ZNF732: variants seen among roughly 807,000 people sequenced by gnomAD.
ZNF732 encodes the protein zinc finger protein LOC654254.
Under a neutral mutation model 11.5 loss-of-function variants are expected in ZNF732, and 12 were observed. The ratio of observed to expected loss-of-function variants is 1.05; its 90% confidence interval spans 0.67 to 1.70. The LOEUF (loss-of-function observed/expected upper bound fraction) is 1.70. Ranked by LOEUF, ZNF732 falls within the 40% of genes most tolerant of loss-of-function variation. ZNF732 has a pLI of 0.00. For missense variants in ZNF732, 702 were observed against 676.9 expected, an observed-to-expected ratio of 1.04 and a Z score of -0.41; for synonymous variants, 231 against 236.5, an observed-to-expected ratio of 0.98 and a Z score of 0.21.
At chr4:286,770 T>C (rs1202658495) in intron 3 of ZNF732, among the ~76,000 whole-genome samples, 1 of 152,180 alleles carries the variant, frequency 6.6e-6, no homozygotes, top group Non-Finnish European at 1.5e-5. Flanking sequence ...TAAAGGTTTG[T>C]TGTACAGATT....
chr4:292,829 G>A (rs1484301120), intron 3 of ZNF732, among the ~76,000 whole-genome samples: 12 of 140,918 alleles, frequency 8.5e-5, no homozygotes, highest in Non-Finnish European at 1.4e-4. Context: ...GGCGGATCAC[G>A]AGCTCAGGAG....
Position 284,870 on chromosome 4 carries a change from CA to C in ZNF732, c.226+10567del, listed in dbSNP as rs1163209652. ...CGGGCCACAGAGTGAGACTCTGTCT[CA>C]AAAAAAAAAAAAAAAAAAAAAAGAA... On this transcript the variant is annotated intron_variant, in intron 3 of 3. Transcript: ENST00000419098. Among the ~76,000 whole-genome samples, 371 of 54,766 alleles carry C rather than the reference CA, an allele frequency of 6.8e-3. 1 individual carries two copies. The highest frequency in any genetic ancestry group is 0.018 in the South Asian group (36 of 1,954). The allele number at this position is 54,766 out of a possible 152,430, so 35.9% of individuals were successfully genotyped here.
intron 3 of ZNF732, among the ~76,000 whole-genome samples, chr4:281,144 C>T (rs1246141721): frequency 6.6e-6 from 1 of 152,214 alleles, no homozygotes; most frequent in Non-Finnish European, 1.5e-5. Flanking sequence ...TGCTGGCTGA[C>T]TTTATTCCCA....
chr4:295,943 G>T (rs1382511493), intron 2 of ZNF732, 86 bp downstream of exon 2: 2 of 1,454,752 alleles, frequency 1.4e-6, no homozygotes, highest in East Asian at 4.8e-5. Flanking sequence ...ACACAAAGCA[G>T]AAGGTTCCCA....
At chr4:284,870 C>CT (rs1719697851) in intron 3 of ZNF732, among the ~76,000 whole-genome samples, 1 of 54,820 alleles carries the variant, frequency 1.8e-5, no homozygotes, top group Non-Finnish European at 4.2e-5. Context: ...GACTCTGTCT[C>CT]AAAAAAAAAA....
At chr4:286,275 AAC>A (rs1235489286) in intron 3 of ZNF732, among the ~76,000 whole-genome samples, 2 of 152,250 alleles carry the variant, frequency 1.3e-5, no homozygotes, top group African/African-American at 4.8e-5. Context: ...TAGTTATTGA[AAC>A]AGTTTATAAC....
Position 305,355 on chromosome 4 carries a change from C to A in ZNF732, c.-45G>T. The A allele has an allele frequency of 1.2e-6, 2 of 1,606,522 alleles. No homozygotes were observed. The highest frequency in any genetic ancestry group is 4.5e-5 in the East Asian group (2 of 44,768). ...AGCGGAGTCTCAGCTACGAATCATC[C>A]AATACCCGCAGGTCACAGAGCGACG... On this transcript the variant is annotated 5_prime_UTR_variant, in exon 1 of 4. Transcript: ENST00000419098.
rs1719366077 is a variant in ZNF732, at chr4:271,633, A to C, written c.1224T>G (p.His408Gln). The stretch of plus-strand genomic sequence containing the variant: ...GCCTCTCTCCAGTATGAATTCTCTT[A>C]TGTTCATTAAGGGTTGTGAACCGAC... Reference protein sequence around the residue: ...AFSRFTTLNEHKRIHTGERPH... With the variant: ...AFSRFTTLNEQKRIHTGERPH... Residue 408 changes from histidine to glutamine, a missense_variant, in exon 4 of 4, where the codon CAT (histidine) becomes CAG (glutamine). His to Gln is a conservative substitution (Grantham distance 24, BLOSUM62 0). Coordinates refer to ENST00000419098, the MANE Select transcript of ZNF732 (RefSeq NM_001137608.3). 1 of 1,611,036 alleles carries C rather than the reference A, an allele frequency of 6.2e-7. No individual in the cohort carries two copies. The highest frequency in any genetic ancestry group is 8.5e-7 in the Non-Finnish European group (1 of 1,178,444).
At chr4:282,279 G>A (rs1329966593) in intron 3 of ZNF732, among the ~76,000 whole-genome samples, 1 of 152,176 alleles carries the variant, frequency 6.6e-6, no homozygotes, top group East Asian at 1.9e-4. Context: ...TTTATACATA[G>A]AAGTTCACTT....
intron 3 of ZNF732, among the ~76,000 whole-genome samples, chr4:284,218 A>C (rs1719678268): frequency 6.6e-6 from 1 of 152,106 alleles, no homozygotes; most frequent in Non-Finnish European, 1.5e-5. Context: ...GCCTGAAATC[A>C]TATCAAGTTT....
intron 3 of ZNF732, among the ~76,000 whole-genome samples, chr4:289,112 G>C (rs1240469420): frequency 6.6e-6 from 1 of 152,196 alleles, no homozygotes; most frequent in South Asian, 2.1e-4. Flanking sequence ...ATCTCACATG[G>C]TAGAAGCAGG....
chr4:285,117 G>T (rs1181151231), intron 3 of ZNF732, among the ~76,000 whole-genome samples: 5 of 152,090 alleles, frequency 3.3e-5, no homozygotes, highest in African/African-American at 1.2e-4. Flanking sequence ...TTCCAGCAGG[G>T]CCTGGATTCA....
chr4:287,259 G>A (rs2108656593), intron 3 of ZNF732, among the ~76,000 whole-genome samples: 1 of 151,304 alleles, frequency 6.6e-6, no homozygotes, highest in Non-Finnish European at 1.5e-5. Flanking sequence ...GTGTTGCCCA[G>A]ACTGTAGTGC....
intron 3 of ZNF732, among the ~76,000 whole-genome samples, chr4:293,067 C>CAAA (rs1227557602): frequency 2.6e-4 from 9 of 35,142 alleles, no homozygotes; most frequent in Admixed American, 4.3e-4. Flanking sequence ...GACTCCATCT[C>CAAA]AAAAAAAAAA....
At chr4:298,422 A>AG (rs1720008205) in intron 1 of ZNF732, among the ~76,000 whole-genome samples, 1 of 152,116 alleles carries the variant, frequency 6.6e-6, no homozygotes, top group Middle Eastern at 3.2e-3. Context: ...TTCACCAAAA[A>AG]AAAAAACTAG....
rs1226181245 is a variant in ZNF732 at position 287,386 on chromosome 4, T to G, written c.226+8052A>C. On this transcript the variant is annotated intron_variant, in intron 3 of 3. Coordinates refer to ENST00000419098, the MANE Select transcript of ZNF732 (RefSeq NM_001137608.3). Reference sequence around the variant, plus strand: ...TGTGCCATCACGTCCAGCTAATTTTTGTATTTTTAGTAGAGACGGGGTTTC... The same window carrying G: ...TGTGCCATCACGTCCAGCTAATTTTGGTATTTTTAGTAGAGACGGGGTTTC... Among the ~76,000 whole-genome samples, 4 of 150,934 alleles carry G rather than the reference T, an allele frequency of 2.7e-5. No homozygotes were observed. The East Asian group carries it at 8.1e-4, about 31-fold the overall frequency.
At chr4:278,250 T>G (rs1466746790) in intron 3 of ZNF732, among the ~76,000 whole-genome samples, 1 of 152,116 alleles carries the variant, frequency 6.6e-6, no homozygotes, top group African/African-American at 2.4e-5. Context: ...AAAAAAAATA[T>G]GGACACACAC....
At chr4:291,706 A>T (rs782544346) in intron 3 of ZNF732, among the ~76,000 whole-genome samples, 13 of 152,234 alleles carry the variant, frequency 8.5e-5, no homozygotes, top group Non-Finnish European at 1.3e-4. Flanking sequence ...TTTTCACAGT[A>T]ATAGTAAACA....
intron 1 of ZNF732, among the ~76,000 whole-genome samples, chr4:300,770 G>A (rs1407109247): frequency 6.6e-6 from 1 of 152,172 alleles, no homozygotes; most frequent in Non-Finnish European, 1.5e-5. Flanking sequence ...GTTTACCCTA[G>A]AAGAAAACCT....
Sources: allele counts gnomAD v4.1 joint callset (sites outside exome capture counted in the v4.1 genomes callset), GRCh38; gene constraint gnomAD v4.1.1; transcripts MANE v1.5; gene names NCBI Gene and HGNC (gene_info 2026-07-23, HGNC 2026-07-21).